XRCC4: variants seen among roughly 807,000 people sequenced by gnomAD.
XRCC4 encodes the protein DNA repair protein XRCC4.
A neutral mutation model predicts 39.1 loss-of-function variants in XRCC4; 28 were observed. The observed-to-expected ratio is 0.72, with a 90% CI of 0.53 to 0.98. The LOEUF (loss-of-function observed/expected upper bound fraction) is 0.98, where lower values mean the gene tolerates loss of function less well. Ranked by LOEUF, XRCC4 falls within the 50% of genes least tolerant of loss-of-function variation. The probability of loss-of-function intolerance (pLI) is 0.00; values close to 1 mark genes in which losing one functional copy is unlikely to be tolerated. For synonymous variants in XRCC4, 123 were observed against 126.4 expected (o/e 0.97, Z 0.18); for missense variants, 350 against 376.4 (o/e 0.93, Z 0.58).
intron 6 of XRCC4, among the ~76,000 whole-genome samples, chr5:83,218,062 T>TATATATATATATATATATATATA (rs1554065873): frequency 2.4e-4 from 35 of 147,600 alleles, no homozygotes; most frequent in African/African-American, 8.3e-4. Context: ...TTTACCTTTT[T>TATATATATATATATATATATATA]TATATATATA....
chr5:83,124,564 G>A (rs1435840839), intron 3 of XRCC4, among the ~76,000 whole-genome samples: 1 of 151,868 alleles, frequency 6.6e-6, no homozygotes, highest in African/African-American at 2.4e-5. Context: ...CCACTTTTTT[G>A]GCTATTAGAA....
chr5:83,206,065 C>T (rs768803286), intron 6 of XRCC4, among the ~76,000 whole-genome samples: 5 of 152,032 alleles, frequency 3.3e-5, no homozygotes, highest in African/African-American at 7.2e-5. Context: ...GACCTCATCA[C>T]GTGTAGGGCG....
chr5:83,282,936 G>A (rs1413486572), intron 7 of XRCC4, among the ~76,000 whole-genome samples: 1 of 151,576 alleles, frequency 6.6e-6, no homozygotes, highest in Non-Finnish European at 1.5e-5. Context: ...AAACATGTAT[G>A]TTAACAGCTC....
chr5:83,116,997 G>A (rs1746756274), intron 3 of XRCC4, among the ~76,000 whole-genome samples: 1 of 152,002 alleles, frequency 6.6e-6, no homozygotes, highest in Non-Finnish European at 1.5e-5. Flanking sequence ...TCATGTTTTG[G>A]GAGCAGTGGG....
intron 6 of XRCC4, among the ~76,000 whole-genome samples, chr5:83,225,797 T>C (rs1325240101): frequency 6.6e-6 from 1 of 151,724 alleles, no homozygotes; most frequent in Non-Finnish European, 1.5e-5. Flanking sequence ...AAGCCTCTGC[T>C]ACGAGATAGT....
chr5:83,104,982 A>G lies in XRCC4; in HGVS notation c.63A>G (p.Gln21=), dbSNP rs529378118. ...AACCCAGTATAACTCATTTTCTACA[A>G]GTATCTTGGGAGAAAACACTGGAAT... ...VSEPSITHFL[Q]VSWEKTLESG... The change falls in exon 2 of 8, where the codon CAA becomes CAG. Residue 21 remains glutamine (Q), a synonymous_variant. Transcript: ENST00000396027. The G allele has an allele frequency of 2.5e-6, 4 of 1,613,650 alleles. No individual in the cohort carries two copies. The South Asian group carries it at 3.3e-5, about 13-fold the overall frequency.
chr5:83,160,742 T>G (rs1404002020), intron 3 of XRCC4, among the ~76,000 whole-genome samples: 1 of 152,186 alleles, frequency 6.6e-6, no homozygotes, highest in Non-Finnish European at 1.5e-5. Flanking sequence ...TTCTATGATG[T>G]ATCTTTTGGT....
chr5:83,231,962 T>A (rs1014997058), intron 6 of XRCC4, among the ~76,000 whole-genome samples: 2 of 152,076 alleles, frequency 1.3e-5, no homozygotes, highest in Non-Finnish European at 2.9e-5. Flanking sequence ...TTATAATGTG[T>A]AATACGGTGT....
intron 7 of XRCC4, among the ~76,000 whole-genome samples, chr5:83,270,785 ATG>A (rs1754117415): frequency 1.6e-5 from 1 of 62,168 alleles, no homozygotes; most frequent in African/African-American, 7.8e-5. Flanking sequence ...ACATATATAT[ATG>A]TATATATTTT....
chr5:83,103,599 TAG>T (rs1194105599), intron 1 of XRCC4, among the ~76,000 whole-genome samples: 3 of 152,198 alleles, frequency 2.0e-5, no homozygotes, highest in Non-Finnish European at 4.4e-5. Flanking sequence ...ATGTATTTGC[TAG>T]AGTGTTTCTG....
Position 83,190,142 on chromosome 5 carries a change from T to G in XRCC4, c.316-5628T>G, listed in dbSNP as rs16900207. 2.9e-3 allele frequency among the ~76,000 whole-genome samples: 439 copies of G among 152,266 alleles called. 10 individuals carry two copies. In the East Asian group the frequency reaches 0.073, roughly 25 times the overall value. ...GAGTTCAGGATATAAAGACTTAGGT[T>G]GTAGTTGATTCAAAACTACAACCAA... On this transcript the variant is annotated intron_variant, in intron 3 of 7. Transcript: ENST00000396027.
intron 6 of XRCC4, among the ~76,000 whole-genome samples, chr5:83,212,275 A>G (rs1053228580): frequency 6.6e-6 from 1 of 152,184 alleles, no homozygotes; most frequent in African/African-American, 2.4e-5. Context: ...GAAATGAACA[A>G]TATGAAAATT....
intron 7 of XRCC4, among the ~76,000 whole-genome samples, chr5:83,342,515 G>A (rs1756792264): frequency 6.6e-6 from 1 of 152,106 alleles, no homozygotes. Context: ...AAACAGCAAA[G>A]TCATATTCAT....
intron 3 of XRCC4, among the ~76,000 whole-genome samples, chr5:83,156,606 G>T (rs1324299273): frequency 6.6e-6 from 1 of 152,006 alleles, no homozygotes; most frequent in African/African-American, 2.4e-5. Flanking sequence ...TACAAACTGG[G>T]TGTATGGCCT....
At chr5:83,207,808 A>G (rs1006851334) in intron 6 of XRCC4, among the ~76,000 whole-genome samples, 4 of 152,002 alleles carry the variant, frequency 2.6e-5, no homozygotes, top group African/African-American at 9.7e-5. Flanking sequence ...TTGGTACTCT[A>G]TGTAGTATTA....
chr5:83,166,854 C>T lies in XRCC4; in HGVS notation c.316-28916C>T, dbSNP rs80256272. Among the ~76,000 whole-genome samples, 471 of 151,808 alleles carry T rather than the reference C, an allele frequency of 3.1e-3. 12 individuals carry two copies. The East Asian group carries it at 0.074, about 24-fold the overall frequency. ...TAAATGATAGCCATTCTGAGTGGTG[C>T]GAGATAGTATCTCATTGTGGGTTTT... is the stretch of plus-strand genomic sequence containing the variant. On this transcript the variant is annotated intron_variant, in intron 3 of 7. Transcript: ENST00000396027.
chr5:83,219,014 A>AT (rs1200469500), intron 6 of XRCC4, among the ~76,000 whole-genome samples: 3 of 152,208 alleles, frequency 2.0e-5, no homozygotes, highest in East Asian at 1.9e-4. Context: ...TGAAATTGAG[A>AT]TGTTGGCAGG....
At chr5:83,146,285 A>G (rs1236922961) in intron 3 of XRCC4, among the ~76,000 whole-genome samples, 1 of 152,202 alleles carries the variant, frequency 6.6e-6, no homozygotes, top group African/African-American at 2.4e-5. Context: ...GTGAGACTAA[A>G]CAATCTGGCA....
intron 7 of XRCC4, among the ~76,000 whole-genome samples, chr5:83,324,468 T>C (rs958436851): frequency 6.6e-6 from 1 of 152,134 alleles, no homozygotes; most frequent in Non-Finnish European, 1.5e-5. Context: ...ATTTTATTCA[T>C]GTAAATATCT....
Sources: gnomAD v4.1 joint callset for allele counts (sites outside exome capture counted in the v4.1 genomes callset) on GRCh38, gnomAD v4.1.1 for gene constraint, MANE v1.5 for transcripts, NCBI Gene and HGNC (gene_info 2026-07-23, HGNC 2026-07-21) for gene names.